Variants in CLCN3 observed in about 807,000 individuals in gnomAD.
The protein encoded by CLCN3 is H(+)/Cl(-) exchange transporter 3.
A neutral mutation model predicts 83.4 loss-of-function variants in CLCN3; 16 were observed. The observed-to-expected ratio is 0.19, with a 90% CI of 0.13 to 0.29. CLCN3 has a LOEUF of 0.29. Ranked by LOEUF, CLCN3 falls within the 10% of genes least tolerant of loss-of-function variation. CLCN3 has a pLI of 1.00. For missense variants in CLCN3, 544 were observed against 1,006.0 expected, an observed-to-expected ratio of 0.54 and a Z score of 6.21; for synonymous variants, 322 against 346.2, an observed-to-expected ratio of 0.93 and a Z score of 0.78.
intron 2 of CLCN3, among the ~76,000 whole-genome samples, chr4:169,678,993 C>A (rs28509449): frequency 0.45 from 67,463 of 150,694 alleles, 17,298 homozygotes; most frequent in East Asian, 0.75. Flanking sequence ...GGCGGCCGGG[C>A]GGAGGCGCCC....
chr4:169,695,857 C>T (rs1472276624), intron 8 of CLCN3, among the ~76,000 whole-genome samples, 165 bp downstream of exon 8: 7 of 152,126 alleles, frequency 4.6e-5, no homozygotes, highest in African/African-American at 1.4e-4. Flanking sequence ...AAATGTTATT[C>T]ATGCTCCATA....
intron 12 of CLCN3, among the ~76,000 whole-genome samples, chr4:169,718,108 C>G (rs1056576270): frequency 7.2e-5 from 11 of 152,150 alleles, no homozygotes; most frequent in African/African-American, 2.7e-4. Flanking sequence ...ATTACAATTT[C>G]AGAACTGTAA....
chr4:169,719,232 C>T (rs1161899914), intron 12 of CLCN3, among the ~76,000 whole-genome samples: 10 of 152,260 alleles, frequency 6.6e-5, no homozygotes, highest in East Asian at 5.8e-4. Context: ...TTTGGGAGGC[C>T]GGGACGGGTG....
chr4:169,659,836 C>T (rs1236190044), intron 2 of CLCN3, among the ~76,000 whole-genome samples: 1 of 151,960 alleles, frequency 6.6e-6, no homozygotes, highest in Non-Finnish European at 1.5e-5. Context: ...CTAGTACATT[C>T]TCTCGTAAAA....
chr4:169,682,353 G>C (rs545924589), intron 3 of CLCN3, among the ~76,000 whole-genome samples: 1 of 152,044 alleles, frequency 6.6e-6, no homozygotes, highest in African/African-American at 2.4e-5. Context: ...ATTTTTACTG[G>C]AGAGCTCAAA....
At chr4:169,658,626 G>T (rs1255075133) in intron 2 of CLCN3, among the ~76,000 whole-genome samples, 1 of 152,022 alleles carries the variant, frequency 6.6e-6, no homozygotes, top group Non-Finnish European at 1.5e-5. Context: ...GTTAGCCTTT[G>T]TCAAAGCTTT....
chr4:169,698,458 G>A (rs1732653497), intron 9 of CLCN3, among the ~76,000 whole-genome samples: 2 of 151,896 alleles, frequency 1.3e-5, no homozygotes, highest in African/African-American at 4.8e-5. Context: ...TTCTAGGGTG[G>A]TGGCCTCAGG....
At chr4:169,717,960 C>G (rs942409962) in intron 12 of CLCN3, 1 of 745,442 alleles carries the variant, frequency 1.3e-6, no homozygotes, top group South Asian at 1.8e-5. Context: ...TCCCAGATAT[C>G]TGCTGAACAA....
At chr4:169,648,810 T>C (rs539898218) in intron 2 of CLCN3, among the ~76,000 whole-genome samples, 30 of 152,306 alleles carry the variant, frequency 2.0e-4, no homozygotes, top group African/African-American at 7.2e-4. Flanking sequence ...ATGGATCACT[T>C]AAAGCCAGGA....
At chr4:169,709,056 G>A (rs922567012) in intron 11 of CLCN3, among the ~76,000 whole-genome samples, 6 of 147,588 alleles carry the variant, frequency 4.1e-5, no homozygotes, top group East Asian at 2.0e-4. Flanking sequence ...AATTATGTAC[G>A]TAAATGTTAA....
rs540076383 is a variant in CLCN3 at position 169,679,143 on chromosome 4, G to T, written c.161-907G>T. On this transcript the variant is annotated intron_variant, in intron 2 of 12. Coordinates refer to ENST00000513761, the MANE Select transcript of CLCN3 (RefSeq NM_001829.4). Reference sequence around the variant, plus strand: ...CTCCTCACTTCTCAGATGGGGTCGCGGCTGGGCAGAGGTGCTCCTCACCTC... The same window carrying T: ...CTCCTCACTTCTCAGATGGGGTCGCTGCTGGGCAGAGGTGCTCCTCACCTC... Among the ~76,000 whole-genome samples the T allele has an allele frequency of 4.0e-5, 6 of 149,582 alleles. No homozygotes were observed. In the East Asian group the frequency reaches 1.2e-3, roughly 30 times the overall value.
chr4:169,654,536 T>C (rs909268370), intron 2 of CLCN3, among the ~76,000 whole-genome samples: 2 of 152,152 alleles, frequency 1.3e-5, no homozygotes, highest in East Asian at 3.8e-4. Flanking sequence ...AGATACTGTT[T>C]TATTTCTATG....
chr4:169,696,508 A>T (rs1159753389), intron 8 of CLCN3, among the ~76,000 whole-genome samples: 3 of 151,938 alleles, frequency 2.0e-5, no homozygotes, highest in Admixed American at 6.6e-5. Context: ...AATCAGAGTG[A>T]TTAGCAAATC....
At chr4:169,637,263 A>G (rs1403222522) in intron 2 of CLCN3, among the ~76,000 whole-genome samples, 1 of 149,868 alleles carries the variant, frequency 6.7e-6, no homozygotes, top group Non-Finnish European at 1.5e-5. Flanking sequence ...ACGGTATTGC[A>G]GTTATCTTCT....
chr4:169,657,916 C>G (rs1044634429), intron 2 of CLCN3, among the ~76,000 whole-genome samples: 1 of 152,100 alleles, frequency 6.6e-6, no homozygotes, highest in Non-Finnish European at 1.5e-5. Flanking sequence ...TCTTATGTGT[C>G]AAAGTCCTCT....
intron 10 of CLCN3, among the ~76,000 whole-genome samples, chr4:169,704,940 T>G (rs978480204): frequency 2.6e-5 from 4 of 152,212 alleles, no homozygotes; most frequent in Non-Finnish European, 4.4e-5. Context: ...GTAGCAAGTA[T>G]TTATTAAATG....
Position 169,620,968 on chromosome 4 carries a change from T to C in CLCN3, c.-112T>C, listed in dbSNP as rs529401059. On this transcript the variant is annotated 5_prime_UTR_variant, in exon 1 of 13. Coordinates refer to ENST00000513761, the MANE Select transcript of CLCN3 (RefSeq NM_001829.4). ...TGTGTCAGGCTTTCTTCGGTGGAGC[T>C]CCGAGGGTAGCTAGGTTCTAGGTTT... 5.0e-6 allele frequency: 2 copies of C among 398,292 alleles called. No homozygotes were observed. The highest frequency in any genetic ancestry group is 8.8e-6 in the Non-Finnish European group (2 of 226,000). 24.7% of individuals were successfully genotyped at this position (398,292 alleles called of 1,614,324 possible).
rs1365349668 is a variant in CLCN3, at chr4:169,721,144, A to G, written c.*1147A>G. On this transcript the variant is annotated 3_prime_UTR_variant, in exon 13 of 13. Transcript: ENST00000513761. ...AAATGTAATTCATAACTTGCACTAAATGTATATTTTTTTTCTTAAAAATTT... is the reference window on the plus strand; with the variant it reads ...AAATGTAATTCATAACTTGCACTAAGTGTATATTTTTTTTCTTAAAAATTT... 6.6e-6 allele frequency: 1 copy of G among 151,930 alleles called. No homozygotes were observed. Among genetic ancestry groups the G allele is most frequent in the Non-Finnish European group, 1.5e-5 (1 of 68,032 alleles). The allele number at this position is 151,930 out of a possible 1,614,324, so 9.4% of individuals were successfully genotyped here.
At chr4:169,637,264 GTTATC>G (rs2150203343) in intron 2 of CLCN3, among the ~76,000 whole-genome samples, 1 of 149,592 alleles carries the variant, frequency 6.7e-6, no homozygotes, top group African/African-American at 2.4e-5. Context: ...CGGTATTGCA[GTTATC>G]TTCTCTCATT....
Sources: allele counts gnomAD v4.1 joint callset (sites outside exome capture counted in the v4.1 genomes callset), GRCh38; gene constraint gnomAD v4.1.1; transcripts MANE v1.5; gene names NCBI Gene and HGNC (gene_info 2026-07-23, HGNC 2026-07-21).